The following B3GLCT variants were observed in gnomAD, a reference collection of about 807,000 sequenced individuals.
B3GLCT encodes the protein beta-1,3-glucosyltransferase.
A neutral mutation model predicts 63.4 loss-of-function variants in B3GLCT; 65 were observed. That is an observed-to-expected ratio of 1.03 (90% CI 0.84 to 1.26). The LOEUF is 1.26. B3GLCT is among the 50% of genes most tolerant of loss of function. B3GLCT has a pLI of 0.00. For synonymous variants in B3GLCT, 233 were observed against 219.2 expected, an observed-to-expected ratio of 1.06 and a Z score of -0.55; for missense variants, 577 against 604.8, an observed-to-expected ratio of 0.95 and a Z score of 0.48.
At chr13:31,299,379 T>A (rs1017314191) in intron 12 of B3GLCT, among the ~76,000 whole-genome samples, 8 of 152,304 alleles carry the variant, frequency 5.3e-5, no homozygotes, top group Admixed American at 1.3e-4. Context: ...ATGCAATATC[T>A]TCTGTTTAGT....
chr13:31,278,279 A>G (rs1872891922), intron 10 of B3GLCT, among the ~76,000 whole-genome samples: 1 of 152,180 alleles, frequency 6.6e-6, no homozygotes, highest in Non-Finnish European at 1.5e-5. Flanking sequence ...GAAAAAAAAA[A>G]TAGTTTGTTA....
At chr13:31,229,145 G>T (rs754114623) in intron 3 of B3GLCT, 40 bp from the exon 4 acceptor site, 7 of 1,301,104 alleles carry the variant, frequency 5.4e-6, no homozygotes, top group African/African-American at 1.5e-5. Flanking sequence ...TAATAATTTT[G>T]TAAAAAGAAA....
At chr13:31,224,793 A>G (rs1870011225) in intron 3 of B3GLCT, among the ~76,000 whole-genome samples, 1 of 152,124 alleles carries the variant, frequency 6.6e-6, no homozygotes. Flanking sequence ...GCTGCTTGTT[A>G]CAGCTTATAT....
At chr13:31,321,849 A>G (rs894396900) in intron 13 of B3GLCT, among the ~76,000 whole-genome samples, 1 of 146,850 alleles carries the variant, frequency 6.8e-6, no homozygotes, top group Non-Finnish European at 1.5e-5. Flanking sequence ...TTTTTTTTTT[A>G]TTATTTCAAC....
chr13:31,247,784 T>C (rs1174124728), intron 5 of B3GLCT, 71 bp from the exon 6 acceptor site: 2 of 775,490 alleles, frequency 2.6e-6, no homozygotes, highest in Non-Finnish European at 4.5e-6. Context: ...CACTTCCTAC[T>C]GATCAGTTTT....
At chr13:31,294,903 G>T (rs1375079782) in intron 12 of B3GLCT, among the ~76,000 whole-genome samples, 1 of 150,502 alleles carries the variant, frequency 6.6e-6, no homozygotes, top group Non-Finnish European at 1.5e-5. Context: ...TTTTTTTTTT[G>T]GAATTTTCAG....
At chr13:31,314,902 C>T (rs957056919) in intron 12 of B3GLCT, among the ~76,000 whole-genome samples, 2 of 152,160 alleles carry the variant, frequency 1.3e-5, no homozygotes, top group Non-Finnish European at 2.9e-5. Context: ...TGGTCTTTCC[C>T]GTGCTGTTCT....
chr13:31,285,513 T>G (rs188320435), intron 11 of B3GLCT, among the ~76,000 whole-genome samples: 282 of 151,884 alleles, frequency 1.9e-3, no homozygotes, highest in South Asian at 4.6e-3. Context: ...CCACCTCATC[T>G]TCAGATATTC....
At chr13:31,309,464 A>T (rs953536943) in intron 12 of B3GLCT, among the ~76,000 whole-genome samples, 3 of 152,178 alleles carry the variant, frequency 2.0e-5, no homozygotes, top group Non-Finnish European at 4.4e-5. Context: ...TTCCCCAGAC[A>T]CCAGTCATAA....
At chr13:31,244,486 C>T (rs184670846) in intron 4 of B3GLCT, among the ~76,000 whole-genome samples, 1 of 152,200 alleles carries the variant, frequency 6.6e-6, no homozygotes, top group Non-Finnish European at 1.5e-5. Flanking sequence ...GAGCGAAACT[C>T]TGTCTCCAAA....
chr13:31,247,984 A>G lies in B3GLCT; in HGVS notation c.459+18A>G, dbSNP rs767109506. On this transcript the variant is annotated intron_variant, in intron 6 of 14. Transcript: ENST00000343307. ...CCTCTAAGGTGAATATAACTTCAATACCAGTTCTTATTTTGGGGGACAGTG... is the reference window on the plus strand; with the variant it reads ...CCTCTAAGGTGAATATAACTTCAATGCCAGTTCTTATTTTGGGGGACAGTG... 9 of 1,312,032 alleles carry G rather than the reference A, an allele frequency of 6.9e-6. No individual in the cohort carries two copies. The highest frequency in any genetic ancestry group is 9.9e-6 in the Non-Finnish European group (9 of 905,888). The allele number at this position is 1,312,032 out of a possible 1,614,324, so 81.3% of individuals were successfully genotyped here.
intron 7 of B3GLCT, among the ~76,000 whole-genome samples, chr13:31,266,239 T>C (rs1288810876): frequency 1.7e-4 from 26 of 152,012 alleles, no homozygotes; most frequent in South Asian, 8.3e-4. Context: ...ACCTCATGTT[T>C]TGCCCGCCTT....
intron 6 of B3GLCT, among the ~76,000 whole-genome samples, chr13:31,251,538 T>G (rs796436787): frequency 7.9e-5 from 12 of 152,224 alleles, no homozygotes; most frequent in African/African-American, 2.6e-4. Context: ...CTGATGGAGC[T>G]GAAAAACACA....
Position 31,269,489 on chromosome 13 carries a change from A to G in B3GLCT, c.660+212A>G, listed in dbSNP as rs17075739. On this transcript the variant is annotated intron_variant, in intron 8 of 14. Coordinates refer to ENST00000343307, the MANE Select transcript of B3GLCT (RefSeq NM_194318.4). ...AAGACAGAACAGTGAAAAAGGTTGC[A>G]TCTTGTGATTCATGATTCTTTACTT... 0.046 allele frequency among the ~76,000 whole-genome samples: 6,931 copies of G among 152,292 alleles called. 553 individuals carry two copies. Among genetic ancestry groups the G allele is most frequent in the African/African-American group, 0.16 (6,569 of 41,536 alleles).
At chr13:31,276,659 G>T in intron 9 of B3GLCT, 43 bp from the exon 10 acceptor site, 1 of 1,267,322 alleles carries the variant, frequency 7.9e-7, no homozygotes, top group Non-Finnish European at 1.1e-6. Context: ...TGAAGTTAAC[G>T]CTGACTCACA....
intron 4 of B3GLCT, among the ~76,000 whole-genome samples, chr13:31,230,883 C>T (rs1870344884): frequency 6.6e-6 from 1 of 152,124 alleles, no homozygotes; most frequent in African/African-American, 2.4e-5. Context: ...TGGTGTGCGC[C>T]TGTAGTCCCA....
intron 8 of B3GLCT, among the ~76,000 whole-genome samples, chr13:31,270,268 C>T (rs1358292299): frequency 6.6e-6 from 1 of 152,198 alleles, no homozygotes; most frequent in East Asian, 1.9e-4. Context: ...TAAATCTTGA[C>T]ATGTAATTCA....
At chr13:31,266,930 T>C (rs1383444420) in intron 7 of B3GLCT, among the ~76,000 whole-genome samples, 1 of 151,948 alleles carries the variant, frequency 6.6e-6, no homozygotes, top group Non-Finnish European at 1.5e-5. Flanking sequence ...ACCACCATGC[T>C]TGACTAATTT....
intron 5 of B3GLCT, 60 bp downstream of exon 5, chr13:31,247,159 C>T: frequency 7.5e-7 from 1 of 1,335,358 alleles, no homozygotes; most frequent in Admixed American, 1.7e-5. Flanking sequence ...CTTTTACGCC[C>T]TTAGTCTTTT....
Sources: gnomAD v4.1 joint callset for allele counts (sites outside exome capture counted in the v4.1 genomes callset) on GRCh38, gnomAD v4.1.1 for gene constraint, MANE v1.5 for transcripts, NCBI Gene and HGNC (gene_info 2026-07-23, HGNC 2026-07-21) for gene names.